The following PEX5L variants were observed in gnomAD, a reference collection of about 807,000 sequenced individuals.
The protein encoded by PEX5L is PEX5-related protein.
Under a neutral mutation model 84.0 loss-of-function variants are expected in PEX5L, and 30 were observed. The ratio of observed to expected loss-of-function variants is 0.36; its 90% CI spans 0.27 to 0.48. PEX5L has a LOEUF of 0.48. Ranked by LOEUF, PEX5L falls within the 20% of genes least tolerant of loss-of-function variation. The probability of loss-of-function intolerance (pLI) is 0.99; values close to 1 mark genes in which losing one functional copy is unlikely to be tolerated. For synonymous variants in PEX5L, 270 were observed against 283.1 expected (o/e 0.95, Z 0.46); for missense variants, 533 against 754.6 (o/e 0.71, Z 3.44).
At chr3:179,929,597 A>C (rs1335968432) in intron 2 of PEX5L, among the ~76,000 whole-genome samples, 2 of 151,632 alleles carry the variant, frequency 1.3e-5, no homozygotes, top group African/African-American at 2.4e-5. Context: ...CTCTTTAAGT[A>C]TACACAAAGA....
At chr3:179,939,820 G>A (rs1004600083) in intron 2 of PEX5L, among the ~76,000 whole-genome samples, 3 of 152,188 alleles carry the variant, frequency 2.0e-5, no homozygotes, top group African/African-American at 7.2e-5. Flanking sequence ...CCTGAGAAGA[G>A]CAGGTCTGGT....
chr3:179,970,686 C>T (rs1459308244), intron 2 of PEX5L, among the ~76,000 whole-genome samples: 2 of 152,084 alleles, frequency 1.3e-5, no homozygotes, highest in African/African-American at 2.4e-5. Flanking sequence ...GAAATATGTA[C>T]AACAGCTCCC....
chr3:179,845,533 G>A (rs1162299655), intron 8 of PEX5L, among the ~76,000 whole-genome samples: 2 of 152,134 alleles, frequency 1.3e-5, no homozygotes, highest in Admixed American at 6.5e-5. Context: ...CATTAAAACA[G>A]ATTAATAAGA....
chr3:179,821,661 T>C (rs1422894544), intron 8 of PEX5L, among the ~76,000 whole-genome samples: 3 of 152,244 alleles, frequency 2.0e-5, no homozygotes, highest in African/African-American at 7.2e-5. Flanking sequence ...ATCTTGATAA[T>C]CTATGTCCAT....
intron 1 of PEX5L, among the ~76,000 whole-genome samples, chr3:180,023,354 A>G (rs1790588057): frequency 6.6e-6 from 1 of 152,228 alleles, no homozygotes; most frequent in Admixed American, 6.5e-5. Context: ...AGAATCTGCT[A>G]TATCAGGGAT....
intron 14 of PEX5L, among the ~76,000 whole-genome samples, chr3:179,802,400 T>C (rs911211608): frequency 2.0e-5 from 3 of 151,496 alleles, no homozygotes; most frequent in Non-Finnish European, 4.4e-5. Flanking sequence ...CCAGGTGTAG[T>C]GGCATGCCCC....
intron 7 of PEX5L, 32 bp downstream of exon 7, chr3:179,874,295 A>G (rs1345326054): frequency 1.7e-6 from 2 of 1,179,294 alleles, no homozygotes; most frequent in South Asian, 1.2e-5. Flanking sequence ...ATATAGGGAA[A>G]GATGTGTTCA....
chr3:180,033,720 T>A (rs1204005860), intron 1 of PEX5L, among the ~76,000 whole-genome samples: 1 of 152,012 alleles, frequency 6.6e-6, no homozygotes, highest in Non-Finnish European at 1.5e-5. Context: ...AAGAAAAAAA[T>A]AAGTAAATCT....
At chr3:179,922,455 T>C (rs958895035) in intron 2 of PEX5L, among the ~76,000 whole-genome samples, 13 of 150,398 alleles carry the variant, frequency 8.6e-5, no homozygotes, top group South Asian at 4.2e-4. Flanking sequence ...TCTTTTCTTT[T>C]TTTTTTTTTT....
chr3:179,965,207 A>C (rs1041477859), intron 2 of PEX5L, among the ~76,000 whole-genome samples: 19 of 152,246 alleles, frequency 1.2e-4, no homozygotes, highest in Admixed American at 1.2e-3. Flanking sequence ...GAAATAACCA[A>C]AGTGAAAATG....
chr3:179,897,288 G>T (rs1171384089), intron 3 of PEX5L, among the ~76,000 whole-genome samples: 1 of 152,044 alleles, frequency 6.6e-6, no homozygotes, highest in Non-Finnish European at 1.5e-5. Context: ...AAAATGAAAT[G>T]TTTAAAATAA....
chr3:179,808,906 C>T (rs1560172809), intron 12 of PEX5L, among the ~76,000 whole-genome samples: 1 of 151,400 alleles, frequency 6.6e-6, no homozygotes, highest in East Asian at 1.9e-4. Context: ...AACCCCGTCT[C>T]TACTAAAAAT....
At chr3:179,941,190 T>A (rs1775986488) in intron 2 of PEX5L, among the ~76,000 whole-genome samples, 1 of 152,260 alleles carries the variant, frequency 6.6e-6, no homozygotes, top group Non-Finnish European at 1.5e-5. Flanking sequence ...GTTTATTTTA[T>A]TGTGTTAAAA....
At position 179,956,980 on chromosome 3, in the gene PEX5L, A is replaced by G. The variant is rs147132744; in HGVS notation, c.93+14614T>C. Among the ~76,000 whole-genome samples the G allele has an allele frequency of 4.5e-4, 68 of 152,262 alleles. 1 individual carries two copies. The East Asian group carries it at 0.013, about 29-fold the overall frequency. On this transcript the variant is annotated intron_variant, in intron 2 of 14. Coordinates refer to ENST00000467460, the MANE Select transcript of PEX5L (RefSeq NM_016559.3). ...AAAGATGAGTAAGGTTTGAATGGTC[A>G]CTGCATGAGCCAGTGAAAATCCTGG...
At position 179,940,394 on chromosome 3, in the gene PEX5L, G is replaced by A. The variant is rs116532532; in HGVS notation, c.93+31200C>T. On this transcript the variant is annotated intron_variant, in intron 2 of 14. Coordinates refer to ENST00000467460, the MANE Select transcript of PEX5L (RefSeq NM_016559.3). ...GCAGTTACTGTGTGTGTTGGGGGGC[G>A]CTGGGGGATGTGGAGACGTTTAATG... 3.0e-3 allele frequency among the ~76,000 whole-genome samples: 451 copies of A among 152,176 alleles called. 2 individuals are homozygous for A. The highest frequency in any genetic ancestry group is 0.011 in the African/African-American group (437 of 41,510).
At chr3:179,819,253 A>C (rs1357958520) in intron 9 of PEX5L, among the ~76,000 whole-genome samples, 1 of 152,072 alleles carries the variant, frequency 6.6e-6, no homozygotes, top group Non-Finnish European at 1.5e-5. Flanking sequence ...TAAATGCATA[A>C]ATCCTAGAGC....
intron 1 of PEX5L, among the ~76,000 whole-genome samples, chr3:179,983,608 TA>T (rs1435804689): frequency 6.6e-6 from 1 of 151,782 alleles, no homozygotes; most frequent in Non-Finnish European, 1.5e-5. Flanking sequence ...ATTAGCCACT[TA>T]AAAAAAACTC....
intron 7 of PEX5L, among the ~76,000 whole-genome samples, chr3:179,865,618 G>T (rs1021311108): frequency 6.6e-6 from 1 of 151,824 alleles, no homozygotes; most frequent in South Asian, 2.1e-4. Flanking sequence ...TTACATAAAG[G>T]TATGGTAAAC....
At chr3:179,965,741 A>G (rs993950886) in intron 2 of PEX5L, among the ~76,000 whole-genome samples, 2 of 152,190 alleles carry the variant, frequency 1.3e-5, no homozygotes, top group East Asian at 1.9e-4. Flanking sequence ...AAATAAACTC[A>G]GCATCGTGAG....
Sources: allele counts gnomAD v4.1 joint callset (sites outside exome capture counted in the v4.1 genomes callset), GRCh38; gene constraint gnomAD v4.1.1; transcripts MANE v1.5; gene names NCBI Gene and HGNC (gene_info 2026-07-23, HGNC 2026-07-21).